Variants in NBEAL2 observed in about 807,000 individuals in gnomAD.
NBEAL2 encodes the protein neurobeachin like 2.
In NBEAL2, 160 loss-of-function variants were observed where a neutral mutation model predicts 299.8. That is an observed-to-expected ratio of 0.53 (90% CI 0.47 to 0.61). The LOEUF is 0.61. NBEAL2 is among the 20% of genes least tolerant of loss of function. The pLI is 0.00. For synonymous variants in NBEAL2, 1,493 were observed against 1,542.3 expected, an observed-to-expected ratio of 0.97 and a Z score of 0.75; for missense variants, 3,112 against 3,649.0, an observed-to-expected ratio of 0.85 and a Z score of 3.79.
chr3:47,002,394 C>G lies in NBEAL2; in HGVS notation c.5175C>G (p.Phe1725Leu). The stretch of plus-strand genomic sequence containing the variant: ...AGGTACAGCCAACCATGTCCCAGTT[C>G]GAAATGGACACGTATGCTAAGAGCC... ...DKQVQPTMSQ[F>L]EMDTYAKSHD... Residue 1725 changes from phenylalanine to leucine, a missense_variant, in exon 32 of 54, where the codon TTC becomes TTG. Physicochemically the swap from Phe to Leu is conservative, Grantham distance 22. This residue lies in a region of NBEAL2 where 2,243 missense variants were observed against 2,538.1 expected (regional missense o/e 0.88). Transcript: ENST00000450053. The G allele has an allele frequency of 6.2e-7, 1 of 1,613,636 alleles. No individual in the cohort carries two copies. Among genetic ancestry groups the G allele is most frequent in the Non-Finnish European group, 8.5e-7 (1 of 1,179,886 alleles).
chr3:47,003,441 C>T lies in NBEAL2; in HGVS notation c.5720+132C>T. 1 of 1,317,216 alleles carries T rather than the reference C, an allele frequency of 7.6e-7. No individual in the cohort carries two copies. Among genetic ancestry groups the T allele is most frequent in the Admixed American group, 2.6e-5 (1 of 38,794 alleles). 81.6% of individuals were successfully genotyped at this position (1,317,216 alleles called of 1,614,324 possible). The stretch of plus-strand genomic sequence containing the variant: ...GCCCGACTACGTCCCCCTGAAGGGA[C>T]TGTCCAAAGCCAGATGGTGAGTGGG... On this transcript the variant is annotated intron_variant, in intron 35 of 53. Transcript: ENST00000450053. This position sits in a 1 kb window ranked among gnomAD's most constrained non-coding sequence, Gnocchi z 7.0.
At position 47,007,643 on chromosome 3, in the gene NBEAL2, C is replaced by A. The variant is rs748364740; in HGVS notation, c.7453C>A (p.Arg2485=). 6.2e-7 allele frequency: 1 copy of A among 1,610,732 alleles called. No homozygotes were observed. The highest frequency in any genetic ancestry group is 1.1e-5 in the South Asian group (1 of 90,492). The change falls in exon 48 of 54, where the codon CGG becomes AGG. Residue 2485 remains arginine (R), a synonymous_variant. Transcript: ENST00000450053. The part of the protein sequence containing the change: ...FSGGHWDGSL[R]VTALPRGKLL... ...CGGTGGCCACTGGGATGGCAGCCTG[C>A]GGGTGACTGCACTACCCCGTGGCAA...
rs770919473 is a variant in NBEAL2 at position 46,996,028 on chromosome 3, C to T, written c.2128C>T (p.Leu710Phe). The change falls in exon 15 of 54, where the codon CTT (leucine) becomes TTT (phenylalanine). Residue 710 changes from leucine (L) to phenylalanine (F), a missense_variant. Coordinates refer to ENST00000450053, the MANE Select transcript of NBEAL2 (RefSeq NM_015175.3). ...CGGCCATCTGGTCAAGACAGCACCC[C>T]TTCGCTGCCCCTCCCTCAGTGAGGT... The part of the protein sequence containing the change: ...KDGHLVKTAP[L>F]RCPSLSEPFS... 3 of 1,609,900 alleles carry T rather than the reference C, an allele frequency of 1.9e-6. No individual in the cohort carries two copies. In the South Asian group the frequency reaches 3.3e-5, roughly 18 times the overall value.
Position 47,000,986 on chromosome 3 carries a change from C to T in NBEAL2, c.4306-15C>T. The T allele has an allele frequency of 6.3e-7, 1 of 1,589,686 alleles. No individual in the cohort carries two copies. The highest frequency in any genetic ancestry group is 8.6e-7 in the Non-Finnish European group (1 of 1,168,094). On this transcript the variant is annotated splice_polypyrimidine_tract_variant and intron_variant, in intron 27 of 53. Transcript: ENST00000450053. This position sits in a 1 kb window ranked among gnomAD's most constrained non-coding sequence, Gnocchi z 4.5. ...GCCCACAACCCACGCCCACACCACC[C>T]ACCTGTGCCCACAGCAAACCTCTGA...
At chr3:46,994,995 A>C (rs1334184242) in intron 12 of NBEAL2, 37 bp from the exon 13 acceptor site, 1 of 1,503,824 alleles carries the variant, frequency 6.6e-7, no homozygotes, top group Non-Finnish European at 8.9e-7. Flanking sequence ...ACAGGGTGCC[A>C]CAGCTGACCA....
At position 47,005,624 on chromosome 3, in the gene NBEAL2, G is replaced by A; in HGVS notation, c.6691+5G>A. On this transcript the variant is annotated splice_donor_5th_base_variant and intron_variant, in intron 41 of 53. Coordinates refer to ENST00000450053, the MANE Select transcript of NBEAL2 (RefSeq NM_015175.3). The stretch of plus-strand genomic sequence containing the variant: ...ACTTCCTGGAGAACCAGAACGGTAG[G>A]TGTGAGGTGCTCACACTGGAGCGGG... 6.2e-7 allele frequency: 1 copy of A among 1,613,700 alleles called. No individual in the cohort carries two copies. The highest frequency in any genetic ancestry group is 8.5e-7 in the Non-Finnish European group (1 of 1,179,820).
In NBEAL2 at chr3:47,004,484, C is replaced by G; in HGVS notation, c.6199-11C>G. ...CCACCTGGCTCACATCTTGTCTGCC[C>G]CTGTCCCCAGAAATGGGTACAGCGT... On this transcript the variant is annotated splice_polypyrimidine_tract_variant and intron_variant, in intron 37 of 53. Coordinates refer to ENST00000450053, the MANE Select transcript of NBEAL2 (RefSeq NM_015175.3). This position sits in a 1 kb window ranked among gnomAD's most constrained non-coding sequence, Gnocchi z 5.0. 2 of 1,612,686 alleles carry G rather than the reference C, an allele frequency of 1.2e-6. No homozygotes were observed. The highest frequency in any genetic ancestry group is 1.7e-6 in the Non-Finnish European group (2 of 1,179,006).
In NBEAL2 at chr3:47,001,892, G is replaced by A. The variant is rs2037028281; in HGVS notation, c.4783-28G>A. On this transcript the variant is annotated intron_variant, in intron 30 of 53. Coordinates refer to ENST00000450053, the MANE Select transcript of NBEAL2 (RefSeq NM_015175.3). The surrounding 1 kb of genome is among the most constrained non-coding windows in gnomAD (Gnocchi z 6.1). Reference sequence around the variant, plus strand: ...TGTCGGGAGCTCCAAGAGTGGCTGGGTGCCACTCATCTCTCTTGCGCCCAC... The same window carrying A: ...TGTCGGGAGCTCCAAGAGTGGCTGGATGCCACTCATCTCTCTTGCGCCCAC... 3.7e-6 allele frequency: 6 copies of A among 1,606,744 alleles called. No homozygotes were observed. In the East Asian group the frequency reaches 9.0e-5, roughly 24 times the overall value.
rs559184496 is a variant in NBEAL2, at chr3:46,990,305, T to C, written c.556+712T>C. On this transcript the variant is annotated intron_variant, in intron 6 of 53. Transcript: ENST00000450053. ...TCCTCGACTTTATTTTCCCATAGCC[T>C]GGGTGCTGTTATTAAAACAAACTGG... 3.9e-5 allele frequency among the ~76,000 whole-genome samples: 6 copies of C among 152,276 alleles called. No homozygotes were observed. In the East Asian group the frequency reaches 9.7e-4, roughly 25 times the overall value.
Position 47,008,350 on chromosome 3 carries a change from C to G in NBEAL2, c.7787C>G (p.Ala2596Gly). ...GTAGCGGCACTACGGCCTCTGGGTGCCACATTCCCTGGACCTATTTTCCAC... is the reference window on the plus strand; with the variant it reads ...GTAGCGGCACTACGGCCTCTGGGTGGCACATTCCCTGGACCTATTTTCCAC... ...QFVAALRPLG[A>G]TFPGPIFHLA... Residue 2596 changes from alanine (A) to glycine (G), a missense_variant, in exon 51 of 54, where the codon GCC becomes GGC. Coordinates refer to ENST00000450053, the MANE Select transcript of NBEAL2 (RefSeq NM_015175.3). 6.2e-7 allele frequency: 1 copy of G among 1,613,556 alleles called. No homozygotes were observed. The highest frequency in any genetic ancestry group is 8.5e-7 in the Non-Finnish European group (1 of 1,179,684).
At chr3:46,996,671 C>A in intron 16 of NBEAL2, 79 bp downstream of exon 16, 1 of 1,542,252 alleles carries the variant, frequency 6.5e-7, no homozygotes, top group East Asian at 2.3e-5. Flanking sequence ...CTCTGGGGGT[C>A]TCTCCTGTGG....
rs771627544 is a variant in NBEAL2, at chr3:47,003,840, G to C, written c.5745G>C (p.Glu1915Asp). Residue 1915 changes from glutamate to aspartate, a missense_variant, in exon 36 of 54, where the codon GAG becomes GAC. By Grantham distance (45) the Glu-to-Asp change is conservative (BLOSUM62 2). Around this residue, in one of 3 missense-constraint regions of NBEAL2, gnomAD observed 2,243 missense variants for 2,538.1 expected, o/e 0.88. Transcript: ENST00000450053. The surrounding 1 kb of genome is among the most constrained non-coding windows in gnomAD (Gnocchi z 7.0). ...ETPMEAAELD[E>D]QREKLVLSAE... ...GGATGGAGGCAGCAGAACTGGATGA[G>C]CAGCGTGAGAAGCTGGTGCTGTCGG... 43 of 1,610,114 alleles carry C rather than the reference G, an allele frequency of 2.7e-5. No homozygotes were observed. Among genetic ancestry groups the C allele is most frequent in the Non-Finnish European group, 3.3e-5 (39 of 1,178,092 alleles).
rs1204716461 is a variant in NBEAL2, at chr3:46,995,378, G to A, written c.1643G>A (p.Gly548Asp). Residue 548 changes from glycine to aspartate, a missense_variant, in exon 13 of 54, where the codon GGC (glycine) becomes GAC (aspartate). Transcript: ENST00000450053. ...CGGCCAGGATTGGACTCGGAACCAG[G>A]CGGAGCTGAGGCTGGAAAGGCCCGA... ...RPRPGLDSEP[G>D]GAEAGKARHA... 6.2e-7 allele frequency: 1 copy of A among 1,612,554 alleles called. No homozygotes were observed. Among genetic ancestry groups the A allele is most frequent in the Non-Finnish European group, 8.5e-7 (1 of 1,179,790 alleles).
intron 12 of NBEAL2, 72 bp downstream of exon 12, chr3:46,994,625 G>C: frequency 1.5e-6 from 2 of 1,316,948 alleles, no homozygotes; most frequent in Non-Finnish European, 2.1e-6. Context: ...CAGATGGTGA[G>C]CTCTCCACCC....
Position 46,997,366 on chromosome 3 carries a change from C to T in NBEAL2, c.2757C>T (p.Leu919=). The change falls in exon 19 of 54, where the codon CTC becomes CTT. Residue 919 remains leucine, a synonymous_variant. Coordinates refer to ENST00000450053, the MANE Select transcript of NBEAL2 (RefSeq NM_015175.3). ...CAGGTCCAGCTGAAACGCATGACCT[C>T]GTGGGTCCTGAACTGACCTCTGGTC... is the stretch of plus-strand genomic sequence containing the variant. ...AEAGPAETHD[L]VGPELTSGHN... 1 of 1,612,242 alleles carries T rather than the reference C, an allele frequency of 6.2e-7. No individual in the cohort carries two copies. The highest frequency in any genetic ancestry group is 8.5e-7 in the Non-Finnish European group (1 of 1,179,744).
At position 47,008,199 on chromosome 3, in the gene NBEAL2, A is replaced by C; in HGVS notation, c.7719+13A>C. On this transcript the variant is annotated intron_variant, in intron 50 of 53. Transcript: ENST00000450053. ...GTCTGGATCTGAGGTGTGTGTATGCATGTGCCCTGGGGAGGGTGAGTTTCC... is the reference window on the plus strand; with the variant it reads ...GTCTGGATCTGAGGTGTGTGTATGCCTGTGCCCTGGGGAGGGTGAGTTTCC... The C allele has an allele frequency of 6.2e-7, 1 of 1,613,822 alleles. No homozygotes were observed.
rs1423826015 is a variant in NBEAL2, at chr3:46,982,323, G to A, written c.51+2411G>A. On this transcript the variant is annotated intron_variant, in intron 1 of 53. Transcript: ENST00000450053. This position sits in a 1 kb window ranked among gnomAD's most constrained non-coding sequence, Gnocchi z 4.2. The stretch of plus-strand genomic sequence containing the variant: ...ACCCCTCCCTTCAGCAGTGAGAGCT[G>A]ACATCAGCTGGCAAACCTGTTTCCC... 1.3e-5 allele frequency among the ~76,000 whole-genome samples: 2 copies of A among 152,200 alleles called. No homozygotes were observed. Among genetic ancestry groups the A allele is most frequent in the Non-Finnish European group, 2.9e-5 (2 of 68,032 alleles).
At chr3:47,008,820 C>T (rs917675665) in intron 52 of NBEAL2, among the ~76,000 whole-genome samples, 152 bp downstream of exon 52, 2 of 152,214 alleles carry the variant, frequency 1.3e-5, no homozygotes, top group Non-Finnish European at 2.9e-5. Flanking sequence ...GGAGGTCTTG[C>T]CCTGGGCCTC....
At chr3:46,990,534 C>A (rs906106472) in intron 6 of NBEAL2, among the ~76,000 whole-genome samples, 1 of 152,194 alleles carries the variant, frequency 6.6e-6, no homozygotes, top group Non-Finnish European at 1.5e-5. Flanking sequence ...ATTCTCAGGT[C>A]TCCCCTCAAA....
Sources: gnomAD v4.1 joint callset for allele counts (sites outside exome capture counted in the v4.1 genomes callset) on GRCh38, gnomAD v4.1.1 for gene constraint, gnomAD v4.1.1 regional missense constraint, Gnocchi (gnomAD v3.1) non-coding constraint, MANE v1.5 for transcripts, NCBI Gene and HGNC (gene_info 2026-07-23, HGNC 2026-07-21) for gene names.